SLC23A2: variants seen among roughly 807,000 people sequenced by gnomAD.
SLC23A2 encodes the protein Na(+)/L-ascorbic acid transporter 2.
Under a neutral mutation model 73.3 loss-of-function variants are expected in SLC23A2, and 36 were observed. The ratio of observed to expected loss-of-function variants is 0.49; its 90% CI spans 0.38 to 0.65. The LOEUF (loss-of-function observed/expected upper bound fraction) is 0.65, where lower values mean the gene tolerates loss of function less well. SLC23A2 is among the 30% of genes least tolerant of loss of function. The probability of loss-of-function intolerance (pLI) is 0.00; values close to 1 mark genes in which losing one functional copy is unlikely to be tolerated. For missense variants in SLC23A2, 507 were observed against 841.6 expected, an observed-to-expected ratio of 0.60 and a Z score of 4.92; for synonymous variants, 343 against 327.3, an observed-to-expected ratio of 1.05 and a Z score of -0.52.
At chr20:4,888,110 T>C (rs1257529009) in intron 6 of SLC23A2, among the ~76,000 whole-genome samples, 2 of 152,206 alleles carry the variant, frequency 1.3e-5, no homozygotes, top group African/African-American at 4.8e-5. Context: ...GAAGACTGCC[T>C]GCTCTTTTAT....
chr20:4,935,690 T>C (rs988108649), intron 2 of SLC23A2, among the ~76,000 whole-genome samples: 1 of 151,872 alleles, frequency 6.6e-6, no homozygotes, highest in Non-Finnish European at 1.5e-5. Context: ...TCCCAGCTAC[T>C]GGGGAGGCTG....
chr20:4,968,965 C>T (rs1357098895), intron 2 of SLC23A2, among the ~76,000 whole-genome samples: 1 of 152,082 alleles, frequency 6.6e-6, no homozygotes, highest in African/African-American at 2.4e-5. Context: ...TCATGATCCA[C>T]CCACCTTGGC....
At chr20:4,878,497 C>T (rs192902452) in intron 9 of SLC23A2, among the ~76,000 whole-genome samples, 249 of 152,200 alleles carry the variant, frequency 1.6e-3, no homozygotes, top group African/African-American at 5.4e-3. Context: ...GTTTTTAATT[C>T]AGTGGTTTCT....
In SLC23A2 at chr20:4,857,277, AACACATACACACACAC is replaced by A. The variant is rs1211151295; in HGVS notation, c.1721-89_1721-74del. 49 of 590,022 alleles carry A rather than the reference AACACATACACACACAC, an allele frequency of 8.3e-5. No individual in the cohort carries two copies. Among genetic ancestry groups the A allele is most frequent in the Non-Finnish European group, 1.3e-4 (43 of 342,074 alleles). 36.5% of individuals were successfully genotyped at this position (590,022 alleles called of 1,614,324 possible). ...TCTACTGAAAATGAAACTGTCGTCAAACACATACACACACACACACACACACACACACACACACACA... is the reference window on the plus strand; with the variant it reads ...TCTACTGAAAATGAAACTGTCGTCAAACACACACACACACACACACACACA... On this transcript the variant is annotated intron_variant, in intron 16 of 16. Transcript: ENST00000338244. The surrounding 1 kb of genome is among the most constrained non-coding windows in gnomAD (Gnocchi z 4.0).
chr20:4,889,200 G>A (rs929401744), intron 6 of SLC23A2, among the ~76,000 whole-genome samples: 3 of 152,152 alleles, frequency 2.0e-5, no homozygotes, highest in Admixed American at 6.5e-5. Context: ...TCGCTTGAGC[G>A]AGTCTTAAAG....
intron 2 of SLC23A2, among the ~76,000 whole-genome samples, chr20:4,940,763 C>G (rs542866331): frequency 6.6e-6 from 1 of 152,158 alleles, no homozygotes; most frequent in African/African-American, 2.4e-5. Context: ...ATTCCACTTA[C>G]GTGAGGCGTC....
At chr20:4,911,015 T>C (rs1355666248) in intron 4 of SLC23A2, among the ~76,000 whole-genome samples, 1 of 152,206 alleles carries the variant, frequency 6.6e-6, no homozygotes. Context: ...TATTTATTTC[T>C]AAAGACGATC....
At chr20:4,992,300 T>C (rs532669364) in intron 1 of SLC23A2, among the ~76,000 whole-genome samples, 1 of 152,214 alleles carries the variant, frequency 6.6e-6, no homozygotes, top group Non-Finnish European at 1.5e-5. Flanking sequence ...AAGGTGTTAT[T>C]TTTTAAGTTA....
At chr20:4,886,443 C>T (rs1214612724) in intron 6 of SLC23A2, among the ~76,000 whole-genome samples, 3 of 152,146 alleles carry the variant, frequency 2.0e-5, no homozygotes, top group African/African-American at 2.4e-5. Flanking sequence ...TAAGTTACAA[C>T]GTGACAGCAG....
chr20:5,007,913 C>CT (rs748144764), intron 1 of SLC23A2, among the ~76,000 whole-genome samples: 3,604 of 145,384 alleles, frequency 0.025, 64 homozygotes, highest in Non-Finnish European at 0.036. Flanking sequence ...ATAAAATTAA[C>CT]TTTTTTTTTT....
intron 6 of SLC23A2, among the ~76,000 whole-genome samples, chr20:4,895,847 G>A (rs1931498176): frequency 6.6e-6 from 1 of 152,184 alleles, no homozygotes; most frequent in South Asian, 2.1e-4. Flanking sequence ...AAGTACCAGA[G>A]GGGGCCTCAC....
At chr20:4,874,482 A>C (rs958991284) in intron 10 of SLC23A2, 94 bp downstream of exon 10, 10 of 1,198,598 alleles carry the variant, frequency 8.3e-6, no homozygotes, top group Non-Finnish European at 8.3e-6. Flanking sequence ...ATGATCCCCC[A>C]AGGAGGGCCT....
rs745339964 is a variant in SLC23A2 at position 4,912,993 on chromosome 20, C to T, written c.109-15G>A. 14 of 1,556,680 alleles carry T rather than the reference C, an allele frequency of 9.0e-6. No individual in the cohort carries two copies. The highest frequency in any genetic ancestry group is 1.2e-5 in the Non-Finnish European group (14 of 1,129,308). ...TTTATCACCACCTGCAGAGACAATC[C>T]ACTTAGAGGCTGTTTCAGCGTGAAC... On this transcript the variant is annotated splice_polypyrimidine_tract_variant and intron_variant, in intron 3 of 16. Transcript: ENST00000338244.
intron 13 of SLC23A2, among the ~76,000 whole-genome samples, chr20:4,865,533 T>C (rs568661137): frequency 6.6e-6 from 1 of 152,256 alleles, no homozygotes; most frequent in South Asian, 2.1e-4. Flanking sequence ...CCATTCAAAT[T>C]TTAATAAAAG....
intron 2 of SLC23A2, among the ~76,000 whole-genome samples, chr20:4,956,207 T>G (rs1645117854): frequency 6.6e-6 from 1 of 152,230 alleles, no homozygotes; most frequent in African/African-American, 2.4e-5. Flanking sequence ...TAATTCCACA[T>G]TTGGAATCAT....
At position 4,872,598 on chromosome 20, in the gene SLC23A2, C is replaced by T. The variant is rs1313764990; in HGVS notation, c.1102+1338G>A. ...TTCTACCTACCTGCCACCCCCGCCT[C>T]GCCCTCACCCTGACTGCCTCACCAA... On this transcript the variant is annotated intron_variant, in intron 11 of 16. Transcript: ENST00000338244. This position sits in a 1 kb window ranked among gnomAD's most constrained non-coding sequence, Gnocchi z 4.4. 6.6e-6 allele frequency among the ~76,000 whole-genome samples: 1 copy of T among 152,154 alleles called. No homozygotes were observed. The highest frequency in any genetic ancestry group is 1.5e-5 in the Non-Finnish European group (1 of 68,026).
intron 13 of SLC23A2, among the ~76,000 whole-genome samples, chr20:4,867,332 T>C (rs1930243462): frequency 6.6e-6 from 1 of 152,194 alleles, no homozygotes; most frequent in South Asian, 2.1e-4. Context: ...TTCAGGTCTG[T>C]GTTCAGGTCA....
At chr20:4,936,478 G>A (rs575439482) in intron 2 of SLC23A2, among the ~76,000 whole-genome samples, 5 of 152,092 alleles carry the variant, frequency 3.3e-5, no homozygotes, top group African/African-American at 7.2e-5. Context: ...TAAAGAGAGG[G>A]GGTCTCATTA....
intron 3 of SLC23A2, among the ~76,000 whole-genome samples, chr20:4,920,521 T>C (rs1258975533): frequency 6.6e-6 from 1 of 152,204 alleles, no homozygotes; most frequent in Admixed American, 6.5e-5. Flanking sequence ...GGTAGTGCTA[T>C]TTGTAATAGC....
Sources: gnomAD v4.1 joint callset for allele counts (sites outside exome capture counted in the v4.1 genomes callset) on GRCh38, gnomAD v4.1.1 for gene constraint, Gnocchi (gnomAD v3.1) non-coding constraint, MANE v1.5 for transcripts, NCBI Gene and HGNC (gene_info 2026-07-23, HGNC 2026-07-21) for gene names.